The following PDZRN4 variants were observed in gnomAD, a reference collection of about 807,000 sequenced individuals.
PDZRN4 encodes PDZ domain containing ring finger 4.
PDZRN4 carries 70 observed loss-of-function variants against 99.0 expected under a neutral mutation model. The observed-to-expected ratio is 0.71, with a 90% confidence interval of 0.58 to 0.86. The LOEUF is 0.86. PDZRN4 is among the 40% of genes least tolerant of loss of function. The pLI, the probability that PDZRN4 is intolerant of heterozygous loss-of-function variation, is 0.00. For missense variants in PDZRN4, 1,474 were observed against 1,331.2 expected, an observed-to-expected ratio of 1.11 and a Z score of -1.67; for synonymous variants, 551 against 501.6, an observed-to-expected ratio of 1.10 and a Z score of -1.32.
At chr12:41,311,585 A>C (rs2120951433) in intron 3 of PDZRN4, among the ~76,000 whole-genome samples, 1 of 152,300 alleles carries the variant, frequency 6.6e-6, no homozygotes, top group East Asian at 1.9e-4. Flanking sequence ...TTATGTCTTT[A>C]GTACTTCAGG....
At chr12:41,429,804 A>T (rs1208261922) in intron 3 of PDZRN4, among the ~76,000 whole-genome samples, 1 of 131,176 alleles carries the variant, frequency 7.6e-6, no homozygotes, top group Non-Finnish European at 1.5e-5. Flanking sequence ...CTTATTTTTT[A>T]AAATGTCTAC....
At chr12:41,465,142 T>C (rs775124954) in intron 3 of PDZRN4, among the ~76,000 whole-genome samples, 2 of 152,136 alleles carry the variant, frequency 1.3e-5, no homozygotes, top group Non-Finnish European at 2.9e-5. Flanking sequence ...GTACTTTTTA[T>C]CCCCTAAGAC....
intron 3 of PDZRN4, among the ~76,000 whole-genome samples, chr12:41,463,144 C>A (rs150420796): frequency 7.2e-5 from 11 of 152,278 alleles, no homozygotes; most frequent in African/African-American, 2.2e-4. Context: ...TTTAAGACTG[C>A]AAAGCTGTGA....
chr12:41,528,917 CT>C (rs542024732), intron 5 of PDZRN4, among the ~76,000 whole-genome samples: 17 of 150,740 alleles, frequency 1.1e-4, no homozygotes, highest in Admixed American at 5.9e-4. Context: ...TTTTTAAGTC[CT>C]TTTTTTTTGC....
chr12:41,572,099 T>A (rs1359821211), intron 9 of PDZRN4, among the ~76,000 whole-genome samples: 1 of 152,196 alleles, frequency 6.6e-6, no homozygotes, highest in Non-Finnish European at 1.5e-5. Flanking sequence ...AAAGAATCAC[T>A]TATTTGAATG....
intron 3 of PDZRN4, among the ~76,000 whole-genome samples, chr12:41,302,727 T>C (rs543058363): frequency 3.9e-4 from 59 of 152,230 alleles, no homozygotes; most frequent in African/African-American, 1.3e-3. Context: ...TGTAGAAATG[T>C]TTTCTGTATG....
At chr12:41,378,867 A>T (rs1952101835) in intron 3 of PDZRN4, among the ~76,000 whole-genome samples, 1 of 152,066 alleles carries the variant, frequency 6.6e-6, no homozygotes. Flanking sequence ...AATTGGCATT[A>T]ATTATTATTT....
rs536246838 is a variant in PDZRN4 at position 41,214,430 on chromosome 12, T to TAA, written c.843+20261_843+20262dup. Among the ~76,000 whole-genome samples, 326 of 34,072 alleles carry TAA rather than the reference T, an allele frequency of 9.6e-3. 54 individuals are homozygous for TAA. Among genetic ancestry groups the TAA allele is most frequent in the South Asian group, 0.026 (16 of 604 alleles). The allele number at this position is 34,072 out of a possible 152,430, so 22.4% of individuals were successfully genotyped here. ...GGCAATAGAAGGAGACCCTGTCCCC[T>TAA]AAAAAAAAAAAAAAAAAAAAGTTAT... is the stretch of plus-strand genomic sequence containing the variant. On this transcript the variant is annotated intron_variant, in intron 3 of 9. Coordinates refer to ENST00000402685, the MANE Select transcript of PDZRN4 (RefSeq NM_001164595.2).
At chr12:41,205,060 G>A (rs917252958) in intron 3 of PDZRN4, among the ~76,000 whole-genome samples, 3 of 151,588 alleles carry the variant, frequency 2.0e-5, no homozygotes, top group African/African-American at 7.3e-5. Context: ...AGATAAAAAT[G>A]AATTACTAGA....
chr12:41,385,635 G>T (rs755342738), intron 3 of PDZRN4, among the ~76,000 whole-genome samples: 33 of 152,088 alleles, frequency 2.2e-4, no homozygotes, highest in Non-Finnish European at 1.5e-5. Flanking sequence ...AAACTGAATC[G>T]CTGAAGAGAG....
At chr12:41,307,609 GAT>G (rs1491438491) in intron 3 of PDZRN4, among the ~76,000 whole-genome samples, 3 of 33,272 alleles carry the variant, frequency 9.0e-5, no homozygotes, top group Non-Finnish European at 2.4e-4. Context: ...TGGAGAGCCA[GAT>G]TTTTTTTTTT....
At chr12:41,202,669 G>A (rs910769396) in intron 3 of PDZRN4, among the ~76,000 whole-genome samples, 4 of 152,036 alleles carry the variant, frequency 2.6e-5, no homozygotes, top group African/African-American at 9.7e-5. Context: ...GTGATACATT[G>A]TTATCTTCAT....
chr12:41,366,277 C>A (rs1213652515), intron 3 of PDZRN4, among the ~76,000 whole-genome samples: 1 of 152,066 alleles, frequency 6.6e-6, no homozygotes, highest in Non-Finnish European at 1.5e-5. Flanking sequence ...GCATTAAATA[C>A]AATTTTTGCA....
chr12:41,572,490 G>A lies in PDZRN4; in HGVS notation c.1711G>A (p.Glu571Lys). 1 of 1,614,120 alleles carries A rather than the reference G, an allele frequency of 6.2e-7. No homozygotes were observed. Among genetic ancestry groups the A allele is most frequent in the South Asian group, 1.1e-5 (1 of 91,076 alleles). The change falls in exon 10 of 10, where the codon GAG becomes AAG. Residue 571 changes from glutamate to lysine, a missense_variant. Coordinates refer to ENST00000402685, the MANE Select transcript of PDZRN4 (RefSeq NM_001164595.2). ...GCGAAATGATGAGAGCTCAGAGCAG[G>A]AGAATGCAGCCGAGGACCCCAATAG... ...SLRNDESSEQ[E>K]NAAEDPNSTS...
At chr12:41,261,821 G>T (rs1049487693) in intron 3 of PDZRN4, among the ~76,000 whole-genome samples, 4 of 152,036 alleles carry the variant, frequency 2.6e-5, no homozygotes, top group African/African-American at 9.7e-5. Flanking sequence ...TTATTGTTTT[G>T]AAATCTCTTC....
intron 3 of PDZRN4, among the ~76,000 whole-genome samples, chr12:41,240,452 GA>G (rs1373856890): frequency 1.3e-5 from 2 of 152,192 alleles, no homozygotes; most frequent in African/African-American, 4.8e-5. Context: ...AGAAGTAGCT[GA>G]AGAGGCATTT....
chr12:41,261,275 A>T (rs552542331), intron 3 of PDZRN4, among the ~76,000 whole-genome samples: 1 of 152,160 alleles, frequency 6.6e-6, no homozygotes, highest in African/African-American at 2.4e-5. Context: ...TGTAAACTGT[A>T]GTATTTAGTA....
In PDZRN4 at chr12:41,509,900, A is replaced by T; in HGVS notation, c.1190A>T (p.Asp397Val). 1 of 1,554,714 alleles carries T rather than the reference A, an allele frequency of 6.4e-7. No homozygotes were observed. ...SLPADADRTE[D>V]FEYEEVELCR... ...CCTGCTGATGCAGACAGAACAGAAGACTTTGAATATGAGGTAAGGTCATTT... is the reference window on the plus strand; with the variant it reads ...CCTGCTGATGCAGACAGAACAGAAGTCTTTGAATATGAGGTAAGGTCATTT... Residue 397 changes from aspartate to valine, a missense_variant, in exon 5 of 10, where the codon GAC becomes GTC. By Grantham distance (152) the Asp-to-Val change is radical. Coordinates refer to ENST00000402685, the MANE Select transcript of PDZRN4 (RefSeq NM_001164595.2).
intron 3 of PDZRN4, among the ~76,000 whole-genome samples, chr12:41,434,216 T>C (rs1222334825): frequency 6.6e-6 from 1 of 152,222 alleles, no homozygotes; most frequent in Non-Finnish European, 1.5e-5. Context: ...CACCTGTCTA[T>C]GTAGTGTTGC....
Sources: allele counts gnomAD v4.1 joint callset (sites outside exome capture counted in the v4.1 genomes callset), GRCh38; gene constraint gnomAD v4.1.1; transcripts MANE v1.5; gene names NCBI Gene and HGNC (gene_info 2026-07-23, HGNC 2026-07-21).